Variants in POU6F2 observed in about 807,000 individuals in gnomAD.
POU6F2 encodes POU class 6 homeobox 2.
POU6F2 carries 31 observed loss-of-function variants against 71.3 expected under a neutral mutation model. The observed-to-expected ratio is 0.43, with a 90% CI of 0.33 to 0.59. The LOEUF (loss-of-function observed/expected upper bound fraction) is 0.59, where lower values mean the gene tolerates loss of function less well. Among genes scored for constraint, POU6F2 ranks in the 20% least tolerant of loss-of-function variants. The pLI, the probability that POU6F2 is intolerant of heterozygous loss-of-function variation, is 0.04. For missense variants in POU6F2, 783 were observed against 856.8 expected (o/e 0.91, Z 1.07); for synonymous variants, 347 against 355.7 (o/e 0.98, Z 0.27).
At chr7:39,301,961 G>T (rs1784955500) in intron 4 of POU6F2, among the ~76,000 whole-genome samples, 1 of 151,592 alleles carries the variant, frequency 6.6e-6, no homozygotes, top group African/African-American at 2.4e-5. Flanking sequence ...AAAAAAAAAA[G>T]AATTCTTCCT....
At chr7:39,391,428 T>C (rs1053615125) in intron 5 of POU6F2, among the ~76,000 whole-genome samples, 2 of 152,178 alleles carry the variant, frequency 1.3e-5, no homozygotes, top group Non-Finnish European at 2.9e-5. Flanking sequence ...TTGAGAAGTA[T>C]AGAGGCATAA....
At chr7:39,321,443 G>T (rs1785388358) in intron 4 of POU6F2, among the ~76,000 whole-genome samples, 1 of 152,314 alleles carries the variant, frequency 6.6e-6, no homozygotes, top group South Asian at 2.1e-4. Flanking sequence ...GCAGTGGGCA[G>T]CTGGAGTGTG....
chr7:39,376,899 T>C (rs2115776437), intron 5 of POU6F2, among the ~76,000 whole-genome samples: 1 of 149,520 alleles, frequency 6.7e-6, no homozygotes, highest in South Asian at 2.1e-4. Flanking sequence ...ATTTATTCAG[T>C]ATTTTTATAC....
intron 4 of POU6F2, among the ~76,000 whole-genome samples, chr7:39,292,862 G>T (rs1784787116): frequency 6.6e-5 from 10 of 152,098 alleles, no homozygotes; most frequent in Admixed American, 6.5e-4. Context: ...AATTGGGTTG[G>T]GGGGCTGCAG....
At chr7:39,216,849 A>G (rs1028509097) in intron 4 of POU6F2, among the ~76,000 whole-genome samples, 1 of 152,198 alleles carries the variant, frequency 6.6e-6, no homozygotes, top group African/African-American at 2.4e-5. Context: ...TCAGTTTCTC[A>G]GATACAGAAG....
chr7:39,066,135 C>T (rs562353713), intron 1 of POU6F2, among the ~76,000 whole-genome samples: 1 of 151,828 alleles, frequency 6.6e-6, no homozygotes, highest in South Asian at 2.1e-4. Context: ...CTGCACGATA[C>T]TTTAGGTTAA....
intron 6 of POU6F2, among the ~76,000 whole-genome samples, chr7:39,419,203 A>C (rs867870208): frequency 2.8e-4 from 42 of 148,940 alleles, no homozygotes; most frequent in Admixed American, 5.4e-4. Flanking sequence ...TTTTTAACCC[A>C]CTCAGGGTGG....
chr7:39,112,425 T>A (rs1455076673), intron 2 of POU6F2, among the ~76,000 whole-genome samples: 3 of 152,198 alleles, frequency 2.0e-5, no homozygotes, highest in Non-Finnish European at 4.4e-5. Context: ...TATTATTGCA[T>A]GCTTATACTA....
chr7:39,165,416 C>T (rs1007872491), intron 2 of POU6F2, among the ~76,000 whole-genome samples: 2 of 152,134 alleles, frequency 1.3e-5, no homozygotes, highest in Non-Finnish European at 2.9e-5. Context: ...CCCTGGACCC[C>T]TAGAGATTCT....
intron 4 of POU6F2, among the ~76,000 whole-genome samples, chr7:39,316,293 G>A (rs1036316509): frequency 2.6e-5 from 4 of 152,170 alleles, no homozygotes; most frequent in Non-Finnish European, 4.4e-5. Context: ...TCTGAACACT[G>A]GCAGGGACTT....
At chr7:39,297,361 A>C (rs1289056303) in intron 4 of POU6F2, among the ~76,000 whole-genome samples, 1 of 152,168 alleles carries the variant, frequency 6.6e-6, no homozygotes. Flanking sequence ...TACCTTCACT[A>C]TAAGACAAAA....
At chr7:39,410,861 A>G (rs1217394883) in intron 6 of POU6F2, among the ~76,000 whole-genome samples, 2 of 152,214 alleles carry the variant, frequency 1.3e-5, no homozygotes, top group Non-Finnish European at 1.5e-5. Context: ...AAGCAAAAAG[A>G]AAGAGTTCTG....
intron 1 of POU6F2, among the ~76,000 whole-genome samples, chr7:39,035,713 A>C (rs775705470): frequency 7.3e-5 from 11 of 150,638 alleles, no homozygotes; most frequent in Non-Finnish European, 1.6e-4. Flanking sequence ...CTGAATTGCT[A>C]CTTGGTGCTT....
At chr7:39,087,250 G>A (rs529930229) in intron 2 of POU6F2, among the ~76,000 whole-genome samples, 2 of 151,340 alleles carry the variant, frequency 1.3e-5, no homozygotes, top group South Asian at 2.1e-4. Flanking sequence ...CTAGGCTAGC[G>A]TGCTTCAACC....
intron 1 of POU6F2, chr7:39,006,621 C>G (rs1382910048): frequency 3.8e-6 from 2 of 520,184 alleles, no homozygotes; most frequent in South Asian, 3.2e-5. Context: ...CACGGAAGAT[C>G]TGTGGCTAAG....
At chr7:39,315,333 G>A (rs891972513) in intron 4 of POU6F2, among the ~76,000 whole-genome samples, 2 of 152,142 alleles carry the variant, frequency 1.3e-5, no homozygotes, top group African/African-American at 4.8e-5. Flanking sequence ...CTTGCAGCTG[G>A]TCATTAACAC....
At chr7:39,007,771 G>C (rs1182752112) in intron 1 of POU6F2, among the ~76,000 whole-genome samples, 1 of 151,268 alleles carries the variant, frequency 6.6e-6, no homozygotes, top group Non-Finnish European at 1.5e-5. Context: ...GTGAGAATAT[G>C]CGGTGTTTGG....
Position 39,044,835 on chromosome 7 carries a change from A to AT in POU6F2, c.106-41016dup, listed in dbSNP as rs199738433. Among the ~76,000 whole-genome samples the AT allele has an allele frequency of 2.6e-3, 395 of 151,500 alleles. 2 individuals carry two copies. Among genetic ancestry groups the AT allele is most frequent in the African/African-American group, 9.1e-3 (375 of 41,378 alleles). ...TATGATGTTTTATAAGAAGGCTGTG[A>AT]TTTTTTTTTGTAACTGGTGATTGGC... On this transcript the variant is annotated intron_variant, in intron 1 of 9. Transcript: ENST00000518318.
chr7:39,249,331 G>C (rs1427710264), intron 4 of POU6F2, among the ~76,000 whole-genome samples: 2 of 152,004 alleles, frequency 1.3e-5, no homozygotes, highest in Non-Finnish European at 2.9e-5. Flanking sequence ...ACCTGGGTTC[G>C]GCCCTGGTCT....
Sources: allele counts gnomAD v4.1 joint callset (sites outside exome capture counted in the v4.1 genomes callset), GRCh38; gene constraint gnomAD v4.1.1; transcripts MANE v1.5; gene names NCBI Gene and HGNC (gene_info 2026-07-23, HGNC 2026-07-21).